FYB1: variants seen among roughly 807,000 people sequenced by gnomAD.
FYB1 encodes FYN-binding protein 1.
FYB1 carries 41 observed loss-of-function variants against 94.1 expected under a neutral mutation model. That is an observed-to-expected ratio of 0.44 (90% CI 0.34 to 0.57). The LOEUF is 0.57. Ranked by LOEUF, FYB1 falls within the 20% of genes least tolerant of loss-of-function variation. The pLI, the probability that FYB1 is intolerant of heterozygous loss-of-function variation, is 0.02. For missense variants in FYB1, 1,050 were observed against 976.8 expected, an observed-to-expected ratio of 1.07 and a Z score of -1.00; for synonymous variants, 367 against 353.2, an observed-to-expected ratio of 1.04 and a Z score of -0.44.
rs1748442309 is a variant in FYB1 at position 39,202,506 on chromosome 5, C to T, written c.455G>A (p.Gly152Asp). The stretch of plus-strand genomic sequence containing the variant: ...TGGAGGAGTAGGCCCAGATTTCGGG[C>T]CTAGTGGCTTTAAGTCATGGTCTTG... Reference protein sequence around the residue: ...VNQDHDLKPLGPKSGPTPPTS... With the variant: ...VNQDHDLKPLDPKSGPTPPTS... The change falls in exon 2 of 19, where the codon GGC becomes GAC. Residue 152 changes from glycine (G) to aspartate (D), a missense_variant. Gly to Asp is a moderately conservative substitution (Grantham distance 94). Transcript: ENST00000512982. 3.1e-6 allele frequency: 5 copies of T among 1,613,904 alleles called. No individual in the cohort carries two copies. In the East Asian group the frequency reaches 8.9e-5, roughly 29 times the overall value.
chr5:39,176,964 G>T (rs1745794043), intron 2 of FYB1, among the ~76,000 whole-genome samples: 1 of 152,186 alleles, frequency 6.6e-6, no homozygotes, highest in South Asian at 2.1e-4. Context: ...AGACTGGGGG[G>T]TTACAATTTC....
At chr5:39,153,721 A>C (rs1291234499) in intron 2 of FYB1, 117 bp from the exon 3 acceptor site, 1 of 823,296 alleles carries the variant, frequency 1.2e-6, no homozygotes, top group African/African-American at 1.7e-5. Flanking sequence ...ACAACTGGCT[A>C]TATGGAATTT....
intron 1 of FYB1, among the ~76,000 whole-genome samples, chr5:39,228,159 G>C (rs1750564473): frequency 6.6e-6 from 1 of 152,088 alleles, no homozygotes; most frequent in Admixed American, 6.6e-5. Context: ...TACAAATCAG[G>C]ATGAATAGAA....
chr5:39,151,492 A>G (rs1214363250), intron 3 of FYB1, among the ~76,000 whole-genome samples: 1 of 151,868 alleles, frequency 6.6e-6, no homozygotes, highest in African/African-American at 2.4e-5. Context: ...GTCTCGCTAT[A>G]TTGCCCAGGC....
rs552097097 is a variant in FYB1, at chr5:39,161,645, A to T, written c.1136-8041T>A. Among the ~76,000 whole-genome samples, 10 of 151,380 alleles carry T rather than the reference A, an allele frequency of 6.6e-5. No individual in the cohort carries two copies. The South Asian group carries it at 2.1e-3, about 31-fold the overall frequency. ...CCATTGCATGGATTTACCTTATTTTATGTGACCAGTCTCATTATTTCTGGT... is the reference window on the plus strand; with the variant it reads ...CCATTGCATGGATTTACCTTATTTTTTGTGACCAGTCTCATTATTTCTGGT... On this transcript the variant is annotated intron_variant, in intron 2 of 18. Transcript: ENST00000512982.
Position 39,118,901 on chromosome 5 carries a change from C to A in FYB1, c.2374G>T (p.Val792Phe), listed in dbSNP as rs766332361. 3.9e-6 allele frequency: 6 copies of A among 1,536,248 alleles called. No individual in the cohort carries two copies. The highest frequency in any genetic ancestry group is 3.5e-6 in the Non-Finnish European group (4 of 1,134,676). ...EVIQTTDDTK[V>F]LCRNEEGKYG... is the part of the protein sequence containing the mutation. ...TTCCCTTCTTCATTTCTGCAGAGAACTTTTGTGTCATCTGTGGTTTGTATA... is the reference window on the plus strand; with the variant it reads ...TTCCCTTCTTCATTTCTGCAGAGAAATTTTGTGTCATCTGTGGTTTGTATA... The change falls in exon 16 of 19, where the codon GTT becomes TTT. Residue 792 changes from valine (V) to phenylalanine (F), a missense_variant. By Grantham distance (50) the Val-to-Phe change is conservative. Coordinates refer to ENST00000512982, the MANE Select transcript of FYB1 (RefSeq NM_001465.6).
At chr5:39,207,336 C>A (rs981951827) in intron 1 of FYB1, among the ~76,000 whole-genome samples, 1 of 152,172 alleles carries the variant, frequency 6.6e-6, no homozygotes, top group African/African-American at 2.4e-5. Flanking sequence ...AAATTAATTT[C>A]CTTTAGCCCC....
Position 39,247,071 on chromosome 5 carries a change from CATATATATATATATATATATATAT to C in FYB1, c.-28+27308_-28+27331del, listed in dbSNP as rs3085950. Among the ~76,000 whole-genome samples the C allele has an allele frequency of 7.3e-4, 48 of 65,622 alleles. 1 individual carries two copies. The highest frequency in any genetic ancestry group is 1.6e-3 in the African/African-American group (31 of 19,032). The allele number at this position is 65,622 out of a possible 152,430, so 43.1% of individuals were successfully genotyped here. The stretch of plus-strand genomic sequence containing the variant: ...ATGGTGCACACACAAAATGCGTGTT[CATATATATATATATATATATATAT>C]ATATATATATATATATATATGACTA... On this transcript the variant is annotated intron_variant, in intron 1 of 1. Coordinates refer to the FYB1 transcript ENST00000510188.
intron 7 of FYB1, among the ~76,000 whole-genome samples, chr5:39,135,491 G>A (rs1741604352): frequency 6.6e-6 from 1 of 152,192 alleles, no homozygotes; most frequent in Admixed American, 6.5e-5. Flanking sequence ...TCAAATAATA[G>A]CAAGCAAATG....
At chr5:39,148,026 T>G (rs1324241456) in intron 3 of FYB1, among the ~76,000 whole-genome samples, 3 of 147,142 alleles carry the variant, frequency 2.0e-5, no homozygotes, top group African/African-American at 7.6e-5. Flanking sequence ...CAATTAGAGA[T>G]TCCACTCTAC....
intron 2 of FYB1, among the ~76,000 whole-genome samples, chr5:39,199,093 T>C (rs1265531601): frequency 6.6e-6 from 1 of 151,622 alleles, no homozygotes; most frequent in African/African-American, 2.4e-5. Context: ...TGTTTATGTA[T>C]ACGTATATGT....
Position 39,239,729 on chromosome 5 carries a change from T to C in FYB1, c.-28+34674A>G, listed in dbSNP as rs566186843. On this transcript the variant is annotated intron_variant, in intron 1 of 1. Transcript: ENST00000510188. ...AGAATCAATATTATTAAAATGGCCA[T>C]ACTGTCCAAAGCAATTTGCAGGTTC... Among the ~76,000 whole-genome samples the C allele has an allele frequency of 5.3e-5, 8 of 151,990 alleles. No homozygotes were observed. The South Asian group carries it at 1.5e-3, about 28-fold the overall frequency.
chr5:39,269,250 C>T (rs1282725173), intron 1 of FYB1, among the ~76,000 whole-genome samples: 2 of 151,846 alleles, frequency 1.3e-5, no homozygotes, highest in Admixed American at 6.6e-5. Flanking sequence ...GGGGTTTCAC[C>T]GTGTTAGCCA....
At chr5:39,229,648 G>T (rs1043617898) in intron 1 of FYB1, among the ~76,000 whole-genome samples, 1 of 152,136 alleles carries the variant, frequency 6.6e-6, no homozygotes, top group Non-Finnish European at 1.5e-5. Flanking sequence ...TCCAGGCAAG[G>T]TGCAGAGAAT....
chr5:39,267,083 G>C (rs1752464824), intron 1 of FYB1, among the ~76,000 whole-genome samples: 1 of 152,158 alleles, frequency 6.6e-6, no homozygotes. Context: ...ACAAGACTCA[G>C]TTTACTCAAC....
chr5:39,220,920 A>G (rs1750220788), upstream of FYB1, among the ~76,000 whole-genome samples: 1 of 152,238 alleles, frequency 6.6e-6, no homozygotes, highest in Non-Finnish European at 1.5e-5. Context: ...GATGGTAACA[A>G]TGATGATGAC....
chr5:39,139,760 T>C (rs527595741), intron 4 of FYB1: 1 of 152,236 alleles, frequency 6.6e-6, no homozygotes, highest in East Asian at 1.9e-4. Context: ...ATATTAATAA[T>C]AAAAACAGTG....
intron 1 of FYB1, chr5:39,270,429 A>C (rs1752624645): frequency 1.5e-6 from 1 of 651,842 alleles, no homozygotes; most frequent in Non-Finnish European, 2.5e-6. Context: ...CTTCATCAGC[A>C]CAAGGAAAAA....
At chr5:39,269,268 C>T (rs1489231479) in intron 1 of FYB1, among the ~76,000 whole-genome samples, 2 of 152,252 alleles carry the variant, frequency 1.3e-5, no homozygotes, top group East Asian at 3.9e-4. Context: ...CCAGGATGGT[C>T]TCGATCTCCT....
Sources: allele counts gnomAD v4.1 joint callset (sites outside exome capture counted in the v4.1 genomes callset), GRCh38; gene constraint gnomAD v4.1.1; transcripts MANE v1.5; gene names NCBI Gene and HGNC (gene_info 2026-07-23, HGNC 2026-07-21).